ITGAM: variants seen among roughly 807,000 people sequenced by gnomAD.
ITGAM encodes integrin subunit alpha M.
ITGAM carries 79 observed loss-of-function variants against 137.5 expected under a neutral mutation model. The observed-to-expected ratio is 0.57, with a 90% CI of 0.48 to 0.69. ITGAM has a LOEUF of 0.69. Ranked by LOEUF, ITGAM falls within the 30% of genes least tolerant of loss-of-function variation. ITGAM has a pLI of 0.00. For missense variants in ITGAM, 1,343 were observed against 1,483.5 expected, an observed-to-expected ratio of 0.91 and a Z score of 1.56; for synonymous variants, 583 against 592.3, an observed-to-expected ratio of 0.98 and a Z score of 0.23.
At chr16:31,328,524 T>C (rs923437257) in intron 23 of ITGAM, among the ~76,000 whole-genome samples, 13 of 151,916 alleles carry the variant, frequency 8.6e-5, no homozygotes, top group Non-Finnish European at 1.8e-4. Context: ...TATGTGTGTG[T>C]GCGTGCATGG....
intron 8 of ITGAM, among the ~76,000 whole-genome samples, chr16:31,274,072 A>G (rs2079880256): frequency 6.6e-6 from 1 of 152,210 alleles, no homozygotes; most frequent in African/African-American, 2.4e-5. Flanking sequence ...AACCAGGTCC[A>G]TGCAGGTTTG....
At chr16:31,291,631 T>C (rs938722763) in intron 12 of ITGAM, among the ~76,000 whole-genome samples, 3 of 152,134 alleles carry the variant, frequency 2.0e-5, no homozygotes, top group Non-Finnish European at 4.4e-5. Flanking sequence ...ATCTTGTGAT[T>C]TGCAATAACA....
At chr16:31,310,329 C>T (rs1006580837) in intron 14 of ITGAM, among the ~76,000 whole-genome samples, 10 of 152,012 alleles carry the variant, frequency 6.6e-5, no homozygotes, top group Non-Finnish European at 1.2e-4. Flanking sequence ...CTTTCAGGTA[C>T]ACCAATGAGA....
chr16:31,329,073 T>TACC, intron 23 of ITGAM, 155 bp from the exon 24 acceptor site: 6 of 426,224 alleles, frequency 1.4e-5, no homozygotes, highest in Non-Finnish European at 2.7e-5. Context: ...ACACATTGGT[T>TACC]CCCCCATCCC....
intron 12 of ITGAM, among the ~76,000 whole-genome samples, chr16:31,288,353 CT>C (rs1367350037): frequency 6.6e-6 from 1 of 152,032 alleles, no homozygotes; most frequent in Non-Finnish European, 1.5e-5. Flanking sequence ...AGACTTATAC[CT>C]AAATGTTTCA....
At chr16:31,331,516 C>G in intron 29 of ITGAM, 120 bp from the exon 30 acceptor site, 3 of 560,378 alleles carry the variant, frequency 5.4e-6, no homozygotes, top group Non-Finnish European at 6.6e-6. Context: ...TCACTCCCCT[C>G]CCGCCCCGCC....
At chr16:31,265,358 A>G (rs2144257540) in intron 2 of ITGAM, 37 bp from the exon 3 acceptor site, 1 of 1,250,022 alleles carries the variant, frequency 8.0e-7, no homozygotes, top group African/African-American at 1.5e-5. Context: ...CTCTCCCCAC[A>G]TGTCGAAGTT....
chr16:31,276,730 G>C lies in ITGAM; in HGVS notation c.1069G>C (p.Ala357Pro). The change falls in exon 10 of 30, where the codon GCT becomes CCT. Residue 357 changes from alanine to proline, a missense_variant. By Grantham distance (27) the Ala-to-Pro change is conservative (BLOSUM62 -1). Transcript: ENST00000544665. ...TGAGATGTCTCAGGAAGGCTTCAGC[G>C]CTGCCATCACCTCTGTAAGTGGCCC... ...EHEMSQEGFS[A>P]AITSNGPLLS... is the part of the protein sequence containing the mutation. The C allele has an allele frequency of 6.2e-7, 1 of 1,611,324 alleles. No individual in the cohort carries two copies. Among genetic ancestry groups the C allele is most frequent in the Non-Finnish European group, 8.5e-7 (1 of 1,178,664 alleles).
Position 31,330,161 on chromosome 16 carries a change from G to A in ITGAM, c.3057G>A (p.Val1019=), listed in dbSNP as rs373733436. The change falls in exon 26 of 30, where the codon GTG becomes GTA. Residue 1019 remains valine (V), a synonymous_variant. Coordinates refer to ENST00000544665, the MANE Select transcript of ITGAM (RefSeq NM_000632.4). ...DFLAELRKAP[V]VNCSIAVCQR... ...TGGCTGAGCTTCGGAAGGCCCCCGT[G>A]GTGGTGAGAAGCTAAGTCAGCCCCA... is the stretch of plus-strand genomic sequence containing the variant. 8 of 1,612,962 alleles carry A rather than the reference G, an allele frequency of 5.0e-6. No individual in the cohort carries two copies. Among genetic ancestry groups the A allele is most frequent in the African/African-American group, 1.3e-5 (1 of 74,902 alleles).
In ITGAM at chr16:31,329,211, C is replaced by G; in HGVS notation, c.2793-17C>G. 6.3e-7 allele frequency: 1 copy of G among 1,595,042 alleles called. No individual in the cohort carries two copies. The highest frequency in any genetic ancestry group is 8.6e-7 in the Non-Finnish European group (1 of 1,163,668). ...CCTCATGTTTTGTCACCTCCTGTCC[C>G]TTTTTTCTCCCTTCAGCCATGGGGT... On this transcript the variant is annotated splice_polypyrimidine_tract_variant and intron_variant, in intron 23 of 29. Transcript: ENST00000544665.
Position 31,265,440 on chromosome 16 carries a change from G to A in ITGAM, c.180G>A (p.Arg60=). ...APQEIVAANQ[R]GSLYQCDYST... is the part of the protein sequence containing the mutation. ...AGGAGATAGTGGCTGCCAACCAAAG[G>A]GGCAGCCTCTACCAGTGCGACTACA... Residue 60 remains arginine (R), a synonymous_variant, in exon 3 of 30, where the codon AGG becomes AGA. Coordinates refer to ENST00000544665, the MANE Select transcript of ITGAM (RefSeq NM_000632.4). 6.8e-6 allele frequency: 11 copies of A among 1,607,700 alleles called. No homozygotes were observed. Among genetic ancestry groups the A allele is most frequent in the Non-Finnish European group, 9.3e-6 (11 of 1,177,516 alleles).
chr16:31,301,649 T>C (rs1427464135), intron 14 of ITGAM, among the ~76,000 whole-genome samples: 1 of 152,200 alleles, frequency 6.6e-6, no homozygotes, highest in Non-Finnish European at 1.5e-5. Context: ...CACAGCATAA[T>C]GAATCCTCAA....
intron 14 of ITGAM, among the ~76,000 whole-genome samples, chr16:31,302,976 CTTTCTT>C (rs2080229214): frequency 1.1e-5 from 1 of 94,764 alleles, no homozygotes; most frequent in Non-Finnish European, 2.2e-5. Context: ...TTCTTTCTTT[CTTTCTT>C]TCTTTCTTTC....
At chr16:31,270,452 CCT>C (rs1174980338) in intron 5 of ITGAM, among the ~76,000 whole-genome samples, 198 of 151,630 alleles carry the variant, frequency 1.3e-3, no homozygotes, top group African/African-American at 4.3e-3. Flanking sequence ...CACCACATTC[CCT>C]GATTCCCTTG....
chr16:31,265,444 A>G lies in ITGAM; in HGVS notation c.184A>G (p.Ser62Gly). Residue 62 changes from serine (S) to glycine (G), a missense_variant, in exon 3 of 30, where the codon AGC (serine) becomes GGC (glycine). By Grantham distance (56) the Ser-to-Gly change is moderately conservative (BLOSUM62 0). Coordinates refer to ENST00000544665, the MANE Select transcript of ITGAM (RefSeq NM_000632.4). ...GATAGTGGCTGCCAACCAAAGGGGC[A>G]GCCTCTACCAGTGCGACTACAGCAC... ...QEIVAANQRG[S>G]LYQCDYSTGS... The G allele has an allele frequency of 6.2e-7, 1 of 1,607,672 alleles. No individual in the cohort carries two copies. The highest frequency in any genetic ancestry group is 8.5e-7 in the Non-Finnish European group (1 of 1,177,500).
Position 31,328,177 on chromosome 16 carries a change from C to T in ITGAM, c.2739C>T (p.Thr913=), listed in dbSNP as rs765262897. 6.2e-7 allele frequency: 1 copy of T among 1,613,940 alleles called. No individual in the cohort carries two copies. The highest frequency in any genetic ancestry group is 2.2e-5 in the East Asian group (1 of 44,894). The part of the protein sequence containing the change: ...SENNMPRTNK[T]EFQLELPVKY... ...ACAACATGCCCAGAACCAACAAAAC[C>T]GAATTCCAACTGGAGCTGCCGGTGA... is the stretch of plus-strand genomic sequence containing the variant. The change falls in exon 23 of 30, where the codon ACC becomes ACT. Residue 913 remains threonine, a synonymous_variant. Coordinates refer to ENST00000544665, the MANE Select transcript of ITGAM (RefSeq NM_000632.4).
At chr16:31,281,588 C>T (rs1008442906) in intron 12 of ITGAM, among the ~76,000 whole-genome samples, 4 of 152,010 alleles carry the variant, frequency 2.6e-5, no homozygotes, top group Admixed American at 1.3e-4. Context: ...TTTTGTATTG[C>T]GTCTATTTGA....
intron 12 of ITGAM, among the ~76,000 whole-genome samples, chr16:31,289,506 C>CA (rs985391457): frequency 2.0e-5 from 3 of 151,736 alleles, no homozygotes; most frequent in Admixed American, 6.6e-5. Context: ...ATCGCAAGAA[C>CA]AAAAAAACCA....
chr16:31,298,684 G>A (rs1279868877), intron 14 of ITGAM, among the ~76,000 whole-genome samples: 2 of 152,156 alleles, frequency 1.3e-5, no homozygotes, highest in African/African-American at 4.8e-5. Flanking sequence ...GCCACCTTAC[G>A]GGATTGCACA....
Sources: gnomAD v4.1 joint callset for allele counts (sites outside exome capture counted in the v4.1 genomes callset) on GRCh38, gnomAD v4.1.1 for gene constraint, MANE v1.5 for transcripts, NCBI Gene and HGNC (gene_info 2026-07-23, HGNC 2026-07-21) for gene names.